PLD5: variants seen among roughly 807,000 people sequenced by gnomAD.
PLD5 encodes the protein inactive phospholipase D5.
Under a neutral mutation model 61.1 loss-of-function variants are expected in PLD5, and 36 were observed. The observed-to-expected ratio is 0.59, with a 90% confidence interval of 0.45 to 0.78. The LOEUF is 0.78. PLD5 is among the 30% of genes least tolerant of loss of function. The pLI is 0.00. For missense variants in PLD5, 515 were observed against 644.4 expected (o/e 0.80, Z 2.17); for synonymous variants, 243 against 242.8 (o/e 1.00, Z -0.01).
At chr1:242,371,155 A>G (rs549182042) in intron 1 of PLD5, among the ~76,000 whole-genome samples, 1 of 152,292 alleles carries the variant, frequency 6.6e-6, no homozygotes, top group African/African-American at 2.4e-5. Flanking sequence ...ATGAAGAAGC[A>G]AAATTTATCT....
chr1:242,159,848 C>A (rs1665685466), intron 5 of PLD5, among the ~76,000 whole-genome samples: 1 of 152,064 alleles, frequency 6.6e-6, no homozygotes, highest in South Asian at 2.1e-4. Flanking sequence ...GAAATTTTGC[C>A]AATTATTTTT....
intron 4 of PLD5, among the ~76,000 whole-genome samples, chr1:242,232,710 G>T (rs538196787): frequency 3.1e-4 from 47 of 152,134 alleles, no homozygotes; most frequent in African/African-American, 1.0e-3. Flanking sequence ...GGGCAAGGTG[G>T]TGGGTGCCTG....
chr1:242,328,479 T>C (rs1257297468), intron 2 of PLD5, among the ~76,000 whole-genome samples: 1 of 152,222 alleles, frequency 6.6e-6, no homozygotes, highest in East Asian at 1.9e-4. Flanking sequence ...ATGTGTATTC[T>C]ACATATTTAT....
intron 5 of PLD5, among the ~76,000 whole-genome samples, chr1:242,131,336 T>C (rs1320577479): frequency 6.6e-6 from 1 of 152,062 alleles, no homozygotes; most frequent in African/African-American, 2.4e-5. Context: ...ACTCAAGTTA[T>C]GTCAGTGGTT....
At chr1:242,142,337 A>G (rs994097002) in intron 5 of PLD5, among the ~76,000 whole-genome samples, 1 of 152,224 alleles carries the variant, frequency 6.6e-6, no homozygotes, top group Non-Finnish European at 1.5e-5. Flanking sequence ...GCCTTTCTAA[A>G]AGAAATCCTT....
intron 2 of PLD5, among the ~76,000 whole-genome samples, chr1:242,321,522 C>T (rs539713385): frequency 2.0e-5 from 3 of 152,274 alleles, no homozygotes; most frequent in South Asian, 4.1e-4. Context: ...CCAGGCTGGT[C>T]CTGAATTCCT....
intron 4 of PLD5, among the ~76,000 whole-genome samples, chr1:242,242,010 T>C (rs370432129): frequency 0.24 from 27,997 of 117,854 alleles, 3,411 homozygotes; most frequent in Middle Eastern, 0.36. Flanking sequence ...TATATATATA[T>C]AGACACACAC....
At chr1:242,167,086 A>T (rs1462094931) in intron 5 of PLD5, among the ~76,000 whole-genome samples, 16 of 138,944 alleles carry the variant, frequency 1.2e-4, no homozygotes, top group Non-Finnish European at 1.8e-4. Context: ...TAGTAATAAT[A>T]ATAATAATAA....
intron 3 of PLD5, among the ~76,000 whole-genome samples, chr1:242,278,916 G>A (rs1408262854): frequency 6.6e-6 from 1 of 152,136 alleles, no homozygotes; most frequent in Non-Finnish European, 1.5e-5. Context: ...AAATAAAGGG[G>A]CACTCTTTCC....
chr1:242,333,767 T>C (rs1659335246), intron 2 of PLD5, among the ~76,000 whole-genome samples: 1 of 152,170 alleles, frequency 6.6e-6, no homozygotes, highest in Non-Finnish European at 1.5e-5. Flanking sequence ...CTCCCTGTGG[T>C]TGGCTTATTT....
At chr1:242,194,279 A>G (rs1356257237) in intron 5 of PLD5, among the ~76,000 whole-genome samples, 1 of 152,208 alleles carries the variant, frequency 6.6e-6, no homozygotes, top group East Asian at 1.9e-4. Context: ...GCTAGGGCCT[A>G]TAAGTATGTG....
intron 5 of PLD5, among the ~76,000 whole-genome samples, chr1:242,204,215 T>C (rs1425328316): frequency 6.6e-6 from 1 of 151,520 alleles, no homozygotes; most frequent in African/African-American, 2.4e-5. Flanking sequence ...TGCACTCCAG[T>C]CTGGGCGACA....
At chr1:242,135,575 T>C (rs1408652531) in intron 5 of PLD5, among the ~76,000 whole-genome samples, 5 of 152,192 alleles carry the variant, frequency 3.3e-5, no homozygotes, top group Non-Finnish European at 7.3e-5. Context: ...GGAAAACAAA[T>C]GCAGAGAGGC....
chr1:242,321,497 G>A (rs187418643), intron 2 of PLD5, among the ~76,000 whole-genome samples: 206 of 152,256 alleles, frequency 1.4e-3, no homozygotes, highest in African/African-American at 4.7e-3. Context: ...TAGAGACGGT[G>A]TTTCACCATG....
chr1:242,383,403 A>G (rs1485138347), intron 1 of PLD5, among the ~76,000 whole-genome samples: 3 of 151,788 alleles, frequency 2.0e-5, no homozygotes, highest in African/African-American at 7.3e-5. Context: ...TTTATATCAA[A>G]ACCCCTTTTC....
chr1:242,409,296 A>G (rs186199653), intron 1 of PLD5, among the ~76,000 whole-genome samples: 72 of 152,282 alleles, frequency 4.7e-4, no homozygotes, highest in Middle Eastern at 3.4e-3. Context: ...AAATCCTCAT[A>G]AAAATTTAAA....
chr1:242,255,839 G>A (rs1266630158), intron 4 of PLD5, among the ~76,000 whole-genome samples: 2 of 152,040 alleles, frequency 1.3e-5, no homozygotes, highest in African/African-American at 2.4e-5. Context: ...AGAACTCAAC[G>A]ATTTAAAAAT....
chr1:242,095,589 AT>A (rs1275330819), intron 9 of PLD5, among the ~76,000 whole-genome samples: 1 of 152,120 alleles, frequency 6.6e-6, no homozygotes. Context: ...TCAGGTATTT[AT>A]TTTTTTAATT....
chr1:242,461,704 A>G (rs1339127050), intron 1 of PLD5, among the ~76,000 whole-genome samples: 1 of 152,134 alleles, frequency 6.6e-6, no homozygotes, highest in East Asian at 1.9e-4. Flanking sequence ...TTATATTCCA[A>G]CCAACAGTGT....
Sources: gnomAD v4.1 joint callset for allele counts (sites outside exome capture counted in the v4.1 genomes callset) on GRCh38, gnomAD v4.1.1 for gene constraint, MANE v1.5 for transcripts, NCBI Gene and HGNC (gene_info 2026-07-23, HGNC 2026-07-21) for gene names.